RIMS2: variants seen among roughly 807,000 people sequenced by gnomAD.
RIMS2 encodes the protein regulating synaptic membrane exocytosis protein 2.
RIMS2 carries 59 observed loss-of-function variants against 174.4 expected under a neutral mutation model. The observed-to-expected ratio is 0.34, with a 90% CI of 0.27 to 0.42. RIMS2 has a LOEUF of 0.42. Ranked by LOEUF, RIMS2 falls within the 10% of genes least tolerant of loss-of-function variation. The probability of loss-of-function intolerance (pLI) is 1.00; values close to 1 mark genes in which losing one functional copy is unlikely to be tolerated. For synonymous variants in RIMS2, 606 were observed against 572.5 expected (o/e 1.06, Z -0.84); for missense variants, 1,620 against 1,666.3 (o/e 0.97, Z 0.48).
intron 14 of RIMS2, 91 bp from the exon 17 acceptor site, chr8:103,960,974 C>T (rs539796815): frequency 1.1e-5 from 8 of 754,110 alleles, no homozygotes; most frequent in South Asian, 1.0e-4. Flanking sequence ...CTGATTCACT[C>T]AGAATATTTT....
At chr8:103,583,828 G>A (rs1021818089) in intron 1 of RIMS2, among the ~76,000 whole-genome samples, 2 of 152,156 alleles carry the variant, frequency 1.3e-5, no homozygotes, top group African/African-American at 2.4e-5. Context: ...TTAAAGAGGA[G>A]GTAGGTAGAT....
At chr8:103,704,147 A>G (rs2097197770) in intron 2 of RIMS2, among the ~76,000 whole-genome samples, 1 of 148,530 alleles carries the variant, frequency 6.7e-6, no homozygotes, top group South Asian at 2.2e-4. Flanking sequence ...TTTTATTTTC[A>G]GGCATGTTTC....
chr8:104,022,830 C>T (rs2096140351), intron 19 of RIMS2, among the ~76,000 whole-genome samples: 1 of 152,200 alleles, frequency 6.6e-6, no homozygotes, highest in Non-Finnish European at 1.5e-5. Flanking sequence ...ATGAAATCCT[C>T]TCCACTGCAA....
intron 3 of RIMS2, among the ~76,000 whole-genome samples, chr8:103,780,522 T>A (rs897344665): frequency 1.3e-5 from 2 of 152,176 alleles, no homozygotes; most frequent in Non-Finnish European, 2.9e-5. Context: ...CATTCTGTTG[T>A]TGAGAGCCTC....
intron 3 of RIMS2, among the ~76,000 whole-genome samples, chr8:103,802,568 G>A (rs533745637): frequency 6.6e-6 from 1 of 152,092 alleles, no homozygotes; most frequent in East Asian, 1.9e-4. Flanking sequence ...GCTGGTGAAT[G>A]TAGAAGTGTT....
intron 17 of RIMS2, among the ~76,000 whole-genome samples, chr8:104,006,232 C>T (rs976462409): frequency 2.0e-5 from 3 of 151,958 alleles, no homozygotes; most frequent in African/African-American, 4.8e-5. Context: ...TATTTCTCCG[C>T]AAATTACTGT....
chr8:103,535,494 A>T (rs1418238889), intron 1 of RIMS2, among the ~76,000 whole-genome samples: 1 of 152,170 alleles, frequency 6.6e-6, no homozygotes, highest in Non-Finnish European at 1.5e-5. Flanking sequence ...CCCATTATTG[A>T]GTCGATTACA....
chr8:104,251,031 T>C lies in RIMS2; in HGVS notation c.3699T>C (p.Tyr1233=), dbSNP rs1134949. The C allele has an allele frequency of 6.6e-3, 10,689 of 1,612,680 alleles. 44 individuals carry two copies. Among genetic ancestry groups the C allele is most frequent in the Non-Finnish European group, 7.6e-3 (9,000 of 1,178,932 alleles). The stretch of plus-strand genomic sequence containing the variant: ...TGTGTTTTCTTTCCCAAGCACCGTA[T>C]GTAAAAGTGTATCTATTAGATAACG... The change falls in exon 23 of 24, where the codon TAT becomes TAC. Residue 1233 remains tyrosine (Y), a synonymous_variant. Transcript: ENST00000504942.
intron 19 of RIMS2, among the ~76,000 whole-genome samples, chr8:104,224,323 G>A (rs2099171605): frequency 6.6e-6 from 1 of 152,208 alleles, no homozygotes. Context: ...ACAATCTCTG[G>A]TGTTTCAGCA....
intron 2 of RIMS2, among the ~76,000 whole-genome samples, chr8:103,759,896 G>C (rs2098089847): frequency 6.6e-6 from 1 of 152,140 alleles, no homozygotes; most frequent in Non-Finnish European, 1.5e-5. Context: ...AGGTTGTGTA[G>C]CAGCATAAGC....
intron 1 of RIMS2, among the ~76,000 whole-genome samples, chr8:103,546,244 C>G (rs1322227708): frequency 1.3e-5 from 2 of 152,056 alleles, no homozygotes; most frequent in Non-Finnish European, 2.9e-5. Flanking sequence ...TAATTTCAGA[C>G]AAAACAGACT....
At chr8:103,957,897 GA>G (rs2088069209) in intron 14 of RIMS2, among the ~76,000 whole-genome samples, 1 of 152,042 alleles carries the variant, frequency 6.6e-6, no homozygotes, top group African/African-American at 2.4e-5. Flanking sequence ...AAAAGTCAAA[GA>G]ATAACAGATG....
intron 19 of RIMS2, among the ~76,000 whole-genome samples, chr8:104,234,587 A>G (rs2099249209): frequency 6.6e-6 from 1 of 152,188 alleles, no homozygotes; most frequent in African/African-American, 2.4e-5. Flanking sequence ...AAAATTACAA[A>G]TGCCAAAATA....
intron 2 of RIMS2, among the ~76,000 whole-genome samples, chr8:103,739,428 A>C (rs1476105576): frequency 6.6e-6 from 1 of 152,220 alleles, no homozygotes; most frequent in Non-Finnish European, 1.5e-5. Flanking sequence ...TACCTAATGT[A>C]AATGACGAGT....
At chr8:104,092,005 A>G (rs1471078259) in intron 19 of RIMS2, among the ~76,000 whole-genome samples, 2 of 151,782 alleles carry the variant, frequency 1.3e-5, no homozygotes, top group Non-Finnish European at 3.0e-5. Context: ...CGTAATTTGA[A>G]TATATGTTGC....
chr8:103,677,957 C>T (rs769349327), intron 1 of RIMS2, among the ~76,000 whole-genome samples: 3 of 152,124 alleles, frequency 2.0e-5, no homozygotes, highest in Non-Finnish European at 4.4e-5. Flanking sequence ...TGCTGAAACT[C>T]AGTGATAGTT....
chr8:104,199,019 G>A (rs1195711034), intron 19 of RIMS2, among the ~76,000 whole-genome samples: 1 of 151,568 alleles, frequency 6.6e-6, no homozygotes, highest in Non-Finnish European at 1.5e-5. Flanking sequence ...ACTAAATTAT[G>A]GAGGGAGGCT....
At chr8:103,508,574 G>A (rs1354627558) in intron 1 of RIMS2, among the ~76,000 whole-genome samples, 1 of 151,960 alleles carries the variant, frequency 6.6e-6, no homozygotes, top group African/African-American at 2.4e-5. Flanking sequence ...TGGAGAGATG[G>A]CAAGGTTCAG....
chr8:103,721,073 T>A (rs1183604177), intron 2 of RIMS2, among the ~76,000 whole-genome samples: 2 of 152,140 alleles, frequency 1.3e-5, no homozygotes, highest in Non-Finnish European at 2.9e-5. Context: ...GCACCATCCC[T>A]TTGGTGCTGT....
Sources: allele counts gnomAD v4.1 joint callset (sites outside exome capture counted in the v4.1 genomes callset), GRCh38; gene constraint gnomAD v4.1.1; transcripts MANE v1.5; gene names NCBI Gene and HGNC (gene_info 2026-07-23, HGNC 2026-07-21).